The following RAB1A variants were observed in gnomAD, a reference collection of about 807,000 sequenced individuals.
The protein encoded by RAB1A is RAB1A, member RAS oncogene family, also known as ras-related protein Rab-1A.
Under a neutral mutation model 26.0 loss-of-function variants are expected in RAB1A, and 2 were observed. The observed-to-expected ratio is 0.08, with a 90% CI of 0.03 to 0.24. The LOEUF (loss-of-function observed/expected upper bound fraction) is 0.24. RAB1A is among the 10% of genes least tolerant of loss of function. The probability of loss-of-function intolerance (pLI) is 1.00; values close to 1 mark genes in which losing one functional copy is unlikely to be tolerated. For synonymous variants in RAB1A, 84 were observed against 84.9 expected (o/e 0.99, Z 0.06); for missense variants, 100 against 247.0 (o/e 0.40, Z 3.99).
chr2:65,130,019 T>A lies in RAB1A; in HGVS notation c.-104A>T. Reference sequence around the variant, plus strand: ...CGAAAGAAAGGAATGAGATAGGCTGTTCCGGGAGAGCAAACGTCTTCCCCT... The same window carrying A: ...CGAAAGAAAGGAATGAGATAGGCTGATCCGGGAGAGCAAACGTCTTCCCCT... On this transcript the variant is annotated 5_prime_UTR_variant, in exon 1 of 6. Coordinates refer to ENST00000409784, the MANE Select transcript of RAB1A (RefSeq NM_004161.5). 7.7e-7 allele frequency: 1 copy of A among 1,299,142 alleles called. No homozygotes were observed. The highest frequency in any genetic ancestry group is 1.1e-6 in the Non-Finnish European group (1 of 920,362). The allele number at this position is 1,299,142 out of a possible 1,614,324, so 80.5% of individuals were successfully genotyped here. A position where few individuals can be genotyped will look rare whatever the true frequency, so the allele number is the denominator to read the frequency against.
intron 3 of RAB1A, among the ~76,000 whole-genome samples, chr2:65,092,802 AG>A (rs1194717560): frequency 1.3e-5 from 2 of 152,144 alleles, no homozygotes; most frequent in Admixed American, 6.5e-5. Context: ...TCTCATCTCA[AG>A]TTGTAATCAC....
chr2:65,107,857 A>G (rs1669597699), intron 1 of RAB1A, among the ~76,000 whole-genome samples: 1 of 152,132 alleles, frequency 6.6e-6, no homozygotes, highest in Non-Finnish European at 1.5e-5. Context: ...TGAGGTCAGA[A>G]GTTCCAGACC....
chr2:65,098,121 G>C (rs754510376), intron 2 of RAB1A, 55 bp from the exon 3 acceptor site: 15 of 1,012,868 alleles, frequency 1.5e-5, no homozygotes, highest in Admixed American at 3.6e-5. Flanking sequence ...GCAGATGCAA[G>C]TCTAAGTGGA....
At chr2:65,090,687 TAC>T (rs1220867480) in intron 4 of RAB1A, among the ~76,000 whole-genome samples, 6 of 152,230 alleles carry the variant, frequency 3.9e-5, no homozygotes, top group Admixed American at 2.6e-4. Context: ...CACGATTCCC[TAC>T]AAACTCTTGC....
chr2:65,091,887 A>C (rs923573880), intron 3 of RAB1A, among the ~76,000 whole-genome samples: 1 of 152,230 alleles, frequency 6.6e-6, no homozygotes, highest in African/African-American at 2.4e-5. Flanking sequence ...CTTTCATAAA[A>C]CGTATTTTAA....
intron 3 of RAB1A, among the ~76,000 whole-genome samples, chr2:65,093,238 C>T (rs1035069093): frequency 3.3e-5 from 5 of 152,194 alleles, no homozygotes; most frequent in Non-Finnish European, 5.9e-5. Context: ...CATTACTCCT[C>T]ATAATCAGAG....
intron 4 of RAB1A, among the ~76,000 whole-genome samples, chr2:65,089,646 T>C (rs1190737936): frequency 6.6e-6 from 1 of 152,074 alleles, no homozygotes; most frequent in East Asian, 1.9e-4. Flanking sequence ...CAAACCCAAC[T>C]GCTTTGGAAT....
intron 1 of RAB1A, among the ~76,000 whole-genome samples, chr2:65,123,772 G>A (rs761773348): frequency 2.0e-5 from 3 of 151,746 alleles, no homozygotes; most frequent in Non-Finnish European, 4.4e-5. Flanking sequence ...GTTGCAGTGA[G>A]CCGAGATCAC....
intron 1 of RAB1A, among the ~76,000 whole-genome samples, chr2:65,119,822 T>C (rs972516340): frequency 1.1e-5 from 1 of 90,538 alleles, no homozygotes; most frequent in African/African-American, 4.5e-5. Flanking sequence ...CTGGGTAACA[T>C]GGGGAGATCC....
rs944033268 is a variant in RAB1A at position 65,101,703 on chromosome 2, T to C, written c.96+3031A>G. On this transcript the variant is annotated intron_variant, in intron 2 of 5. Coordinates refer to ENST00000409784, the MANE Select transcript of RAB1A (RefSeq NM_004161.5). ...TTTAATTACAAATAAAGTTGAGCCT[T>C]TTTTTTTTTCCATATTTATTGGCAA... is the stretch of plus-strand genomic sequence containing the variant. Among the ~76,000 whole-genome samples the C allele has an allele frequency of 5.5e-5, 8 of 145,010 alleles. No individual in the cohort carries two copies. The South Asian group carries it at 6.3e-4, about 11-fold the overall frequency.
At chr2:65,089,201 C>T in intron 4 of RAB1A, 131 bp from the exon 5 acceptor site, 1 of 889,836 alleles carries the variant, frequency 1.1e-6, no homozygotes, top group Non-Finnish European at 1.7e-6. Context: ...AAAATAACCA[C>T]TGCTAAGGAG....
intron 1 of RAB1A, among the ~76,000 whole-genome samples, chr2:65,111,573 T>C (rs1380057125): frequency 6.6e-6 from 1 of 151,996 alleles, no homozygotes; most frequent in African/African-American, 2.4e-5. Context: ...AAAAAGAACA[T>C]TAGTGAAAAA....
intron 1 of RAB1A, among the ~76,000 whole-genome samples, chr2:65,125,352 T>C (rs1323201999): frequency 6.6e-6 from 1 of 151,472 alleles, no homozygotes; most frequent in Non-Finnish European, 1.5e-5. Flanking sequence ...ACTAAAAAAA[T>C]CCACTGGAAG....
chr2:65,121,264 C>T lies in RAB1A; in HGVS notation c.23+8629G>A, dbSNP rs1055751199. Among the ~76,000 whole-genome samples, 10 of 147,204 alleles carry T rather than the reference C, an allele frequency of 6.8e-5. No homozygotes were observed. In the East Asian group the frequency reaches 8.0e-4, roughly 12 times the overall value. ...AAAAAAAAAAAAAAAACCATAGCCA[C>T]GTGGCTGGCACCGAGTAAGTGCTAA... On this transcript the variant is annotated intron_variant, in intron 1 of 5. Transcript: ENST00000409784.
intron 2 of RAB1A, among the ~76,000 whole-genome samples, chr2:65,098,754 T>C (rs964570661): frequency 2.0e-5 from 3 of 151,730 alleles, no homozygotes; most frequent in African/African-American, 7.3e-5. Flanking sequence ...AATCATAAAA[T>C]ATGTGGCCCT....
intron 1 of RAB1A, among the ~76,000 whole-genome samples, chr2:65,117,981 T>C (rs542824211): frequency 2.6e-5 from 4 of 152,380 alleles, no homozygotes; most frequent in East Asian, 1.9e-4. Context: ...GTTGCTTACT[T>C]TGAATGCCCT....
chr2:65,098,347 T>A (rs1368276459), intron 2 of RAB1A, among the ~76,000 whole-genome samples: 2 of 152,164 alleles, frequency 1.3e-5, no homozygotes, highest in African/African-American at 4.8e-5. Flanking sequence ...TTTCCAAACA[T>A]CATCTCTTGC....
chr2:65,104,490 G>A (rs1394369210), intron 2 of RAB1A, among the ~76,000 whole-genome samples: 5 of 152,128 alleles, frequency 3.3e-5, no homozygotes, highest in African/African-American at 4.8e-5. Flanking sequence ...GTTTGACTCT[G>A]ACCAAAAGTA....
intron 1 of RAB1A, among the ~76,000 whole-genome samples, chr2:65,112,669 T>G (rs1270189556): frequency 2.0e-5 from 3 of 152,152 alleles, no homozygotes; most frequent in Non-Finnish European, 1.5e-5. Flanking sequence ...ACAGTTAAGG[T>G]AAGAATGGCA....
Sources: allele counts gnomAD v4.1 joint callset (sites outside exome capture counted in the v4.1 genomes callset), GRCh38; gene constraint gnomAD v4.1.1; transcripts MANE v1.5; gene names NCBI Gene and HGNC (gene_info 2026-07-23, HGNC 2026-07-21).